The following POMT1 variants were observed in gnomAD, a reference collection of about 807,000 sequenced individuals.
The protein encoded by POMT1 is protein O-mannosyl-transferase 1.
A neutral mutation model predicts 101.6 loss-of-function variants in POMT1; 85 were observed. The ratio of observed to expected loss-of-function variants is 0.84; its 90% CI spans 0.70 to 1.00. The LOEUF (loss-of-function observed/expected upper bound fraction) is 1.00, where lower values mean the gene tolerates loss of function less well. Ranked by LOEUF, POMT1 falls within the 50% of genes least tolerant of loss-of-function variation. POMT1 has a pLI of 0.00. For missense variants in POMT1, 857 were observed against 930.4 expected, an observed-to-expected ratio of 0.92 and a Z score of 1.03; for synonymous variants, 371 against 383.0, an observed-to-expected ratio of 0.97 and a Z score of 0.37.
rs1052291406 is a variant in POMT1, at chr9:131,520,303, G to T, written c.1698+110G>T. Reference sequence around the variant, plus strand: ...CTAGAAAGTGCTGGGTTTCTCCCAAGCTTTTCCTGACAAAGGCCTGTGACT... The same window carrying T: ...CTAGAAAGTGCTGGGTTTCTCCCAATCTTTTCCTGACAAAGGCCTGTGACT... On this transcript the variant is annotated intron_variant, in intron 17 of 19. Transcript: ENST00000402686. 6.9e-5 allele frequency: 65 copies of T among 938,506 alleles called. No homozygotes were observed. In the South Asian group the frequency reaches 8.8e-4, roughly 13 times the overall value. 58.1% of individuals were successfully genotyped at this position (938,506 alleles called of 1,614,324 possible). A position where few individuals can be genotyped will look rare whatever the true frequency, so the allele number is the denominator to read the frequency against.
intron 14 of POMT1, 92 bp from the exon 15 acceptor site, chr9:131,518,745 G>A (rs1035287340): frequency 1.6e-5 from 25 of 1,601,342 alleles, no homozygotes; most frequent in African/African-American, 6.7e-5. Context: ...TGCTGACAGC[G>A]TGACCCGGGC....
rs1173985909 is a variant in POMT1, at chr9:131,509,944, G to C, written c.647G>C (p.Gly216Ala). 2 of 1,614,080 alleles carry C rather than the reference G, an allele frequency of 1.2e-6. No individual in the cohort carries two copies. Among genetic ancestry groups the C allele is most frequent in the Non-Finnish European group, 1.7e-6 (2 of 1,180,052 alleles). Residue 216 changes from glycine (G) to alanine (A), a missense_variant, in exon 8 of 20, where the codon GGT (glycine) becomes GCT (alanine). Coordinates refer to ENST00000402686, the MANE Select transcript of POMT1 (RefSeq NM_001077365.2). ...GTGTTCACGTACGTGCTCGTGCTGGGTGTTGCAGCTGTCCATGCCTGGCAC... is the reference window on the plus strand; with the variant it reads ...GTGTTCACGTACGTGCTCGTGCTGGCTGTTGCAGCTGTCCATGCCTGGCAC... ...MGVFTYVLVL[G>A]VAAVHAWHLL... is the part of the protein sequence containing the mutation.
intron 2 of POMT1, 27 bp from the exon 3 acceptor site, chr9:131,506,087 A>G: frequency 6.2e-7 from 1 of 1,611,572 alleles, no homozygotes; most frequent in South Asian, 1.1e-5. Context: ...AATTGAATAT[A>G]ATATGGGTTG....
In POMT1 at chr9:131,521,434, T is replaced by A. The variant is rs1949893510; in HGVS notation, c.1787T>A (p.Leu596Gln). ...TACGCCCTGCTGTCCTTGTGGTACC[T>A]GCTCCGACGGCGAAGAAATGTCCAT... ...AIYALLSLWYLLRRRRNVHDL... is the reference protein window; with the variant it reads ...AIYALLSLWYQLRRRRNVHDL... Residue 596 changes from leucine (L) to glutamine (Q), a missense_variant, in exon 18 of 20, where the codon CTG (leucine) becomes CAG (glutamine). Leu to Gln is a moderately radical substitution (Grantham distance 113). Coordinates refer to ENST00000402686, the MANE Select transcript of POMT1 (RefSeq NM_001077365.2). 6.2e-7 allele frequency: 1 copy of A among 1,614,074 alleles called. No homozygotes were observed. Among genetic ancestry groups the A allele is most frequent in the Non-Finnish European group, 8.5e-7 (1 of 1,180,044 alleles).
At position 131,509,751 on chromosome 9, in the gene POMT1, C is replaced by T. The variant is rs1388530296; in HGVS notation, c.548C>T (p.Ser183Phe). 1.9e-6 allele frequency: 3 copies of T among 1,614,024 alleles called. No individual in the cohort carries two copies. Among genetic ancestry groups the T allele is most frequent in the African/African-American group, 2.7e-5 (2 of 74,916 alleles). Residue 183 changes from serine (S) to phenylalanine (F), a missense_variant, in exon 7 of 20, where the codon TCT becomes TTT. Coordinates refer to ENST00000402686, the MANE Select transcript of POMT1 (RefSeq NM_001077365.2). Reference protein sequence around the residue: ...FFNCQKHSPFSLSWWFWLTLT... With the variant: ...FFNCQKHSPFFLSWWFWLTLT... The stretch of plus-strand genomic sequence containing the variant: ...CTTTGTTTTTATTCCAGCCCTTTTT[C>T]TCTGAGCTGGTGGTTCTGGCTAACA...
chr9:131,512,734 C>T (rs1437117381), intron 11 of POMT1, among the ~76,000 whole-genome samples: 5 of 152,168 alleles, frequency 3.3e-5, no homozygotes, highest in Non-Finnish European at 7.3e-5. Context: ...GCCTCAGCCT[C>T]CCGAGTAGAT....
chr9:131,503,319 G>A lies in POMT1; in HGVS notation c.-31+246G>A, dbSNP rs575896141. On this transcript the variant is annotated intron_variant, in intron 1 of 19. Coordinates refer to ENST00000402686, the MANE Select transcript of POMT1 (RefSeq NM_001077365.2). The surrounding 1 kb of genome is among the most constrained non-coding windows in gnomAD (Gnocchi z 4.4). ...GCTGCGGGTGCAGTCTCAGGGTGAG[G>A]ACGGAGCTGGGGCCGACGCAGCCTC... 1 of 153,604 alleles carries A rather than the reference G, an allele frequency of 6.5e-6. No homozygotes were observed. Among genetic ancestry groups the A allele is most frequent in the South Asian group, 2.0e-4 (1 of 4,888 alleles). 9.5% of individuals were successfully genotyped at this position (153,604 alleles called of 1,614,324 possible).
chr9:131,508,945 T>G lies in POMT1; in HGVS notation c.462T>G (p.Leu154=). ...NALITQSRLM[L]LESVLIFFNL... The stretch of plus-strand genomic sequence containing the variant: ...TCATCACTCAGTCAAGGCTAATGCT[T>G]TTGGAATCAGTGTTAATATTTTTCA... Residue 154 remains leucine (L), a synonymous_variant, in exon 6 of 20, where the codon CTT becomes CTG. Transcript: ENST00000402686. 6.2e-7 allele frequency: 1 copy of G among 1,613,962 alleles called. No individual in the cohort carries two copies. The highest frequency in any genetic ancestry group is 8.5e-7 in the Non-Finnish European group (1 of 1,179,816).
chr9:131,512,243 C>G lies in POMT1; in HGVS notation c.1082+107C>G. 2.0e-6 allele frequency: 3 copies of G among 1,536,922 alleles called. No homozygotes were observed. In the East Asian group the frequency reaches 7.3e-5, roughly 37 times the overall value. On this transcript the variant is annotated intron_variant, in intron 11 of 19. Coordinates refer to ENST00000402686, the MANE Select transcript of POMT1 (RefSeq NM_001077365.2). Reference sequence around the variant, plus strand: ...CCCTTCTTTCCCTCCCTCACTGACTCTAGTCACCGTCATGGCCTTGAACAC... The same window carrying G: ...CCCTTCTTTCCCTCCCTCACTGACTGTAGTCACCGTCATGGCCTTGAACAC...
At chr9:131,511,944 C>A in intron 10 of POMT1, 97 bp from the exon 11 acceptor site, 2 of 1,287,166 alleles carry the variant, frequency 1.6e-6, no homozygotes, top group Middle Eastern at 1.8e-4. Context: ...CTCCTGGGCT[C>A]AAGCAGTTAT....
At position 131,509,888 on chromosome 9, in the gene POMT1, G is replaced by C. The variant is rs201897506; in HGVS notation, c.606-15G>C. On this transcript the variant is annotated splice_polypyrimidine_tract_variant and intron_variant, in intron 7 of 19. Transcript: ENST00000402686. ...CCTGTCTCATGTTAACTCCATTTCT[G>C]TCATGTCTTTGCAGCATCAAGTACA... is the stretch of plus-strand genomic sequence containing the variant. 1.1e-4 allele frequency: 178 copies of C among 1,614,076 alleles called. 1 individual carries two copies. Among genetic ancestry groups the C allele is most frequent in the Admixed American group, 3.5e-4 (21 of 60,000 alleles).
rs1949304238 is a variant in POMT1 at position 131,518,864 on chromosome 9, G to A, written c.1393G>A (p.Gly465Arg). Residue 465 changes from glycine (G) to arginine (R), a missense_variant, in exon 15 of 20, where the codon GGG (glycine) becomes AGG (arginine). By Grantham distance (125) the Gly-to-Arg change is moderately radical. Transcript: ENST00000402686. ...GAGCGGGGCTCACCTCCCTGACTGG[G>A]GGTATCGGCAACTGGAGATCGTCGG... ...KLSGAHLPDW[G>R]YRQLEIVGEK... 6.2e-7 allele frequency: 1 copy of A among 1,614,034 alleles called. No individual in the cohort carries two copies. The highest frequency in any genetic ancestry group is 8.5e-7 in the Non-Finnish European group (1 of 1,180,044).
rs918627535 is a variant in POMT1 at position 131,502,927 on chromosome 9, C to T, written c.-177C>T. On this transcript the variant is annotated 5_prime_UTR_variant, in exon 1 of 20. Coordinates refer to ENST00000402686, the MANE Select transcript of POMT1 (RefSeq NM_001077365.2). ...ACGCGCGCTGCTGCCCGTCTGGCCCCGCAGGCTCGGTGAATCGAACGTTGA... is the reference window on the plus strand; with the variant it reads ...ACGCGCGCTGCTGCCCGTCTGGCCCTGCAGGCTCGGTGAATCGAACGTTGA... The T allele has an allele frequency of 5.3e-5, 8 of 152,304 alleles. No homozygotes were observed. The highest frequency in any genetic ancestry group is 1.9e-4 in the African/African-American group (8 of 41,472). 9.4% of individuals were successfully genotyped at this position (152,304 alleles called of 1,614,324 possible).
Position 131,508,917 on chromosome 9 carries a change from C to T in POMT1, c.434C>T (p.Ala145Val). 6.2e-7 allele frequency: 1 copy of T among 1,608,180 alleles called. No individual in the cohort carries two copies. The highest frequency in any genetic ancestry group is 1.1e-5 in the South Asian group (1 of 90,952). Residue 145 changes from alanine to valine, a missense_variant, in exon 6 of 20, where the codon GCT becomes GTT. By Grantham distance (64) the Ala-to-Val change is moderately conservative. Coordinates refer to ENST00000402686, the MANE Select transcript of POMT1 (RefSeq NM_001077365.2). Reference sequence around the variant, plus strand: ...TGTTTCCTCTTTGAAACAGAGAATGCTCTCATCACTCAGTCAAGGCTAATG... The same window carrying T: ...TGTTTCCTCTTTGAAACAGAGAATGTTCTCATCACTCAGTCAAGGCTAATG... The part of the protein sequence containing the change: ...GAALLMLIEN[A>V]LITQSRLMLL...
intron 13 of POMT1, among the ~76,000 whole-genome samples, chr9:131,515,856 C>CTAACATGGAGCACTTCCTCTA (rs1441919442): frequency 3.1e-5 from 3 of 97,158 alleles, no homozygotes; most frequent in African/African-American, 7.4e-5. Flanking sequence ...AGCACTTCCT[C>CTAACATGGAGCACTTCCTCTA]ACAGGGAGCA....
In POMT1 at chr9:131,522,445, A is replaced by T; in HGVS notation, c.2003+221A>T. 1 of 921,174 alleles carries T rather than the reference A, an allele frequency of 1.1e-6. No homozygotes were observed. The highest frequency in any genetic ancestry group is 1.6e-6 in the Non-Finnish European group (1 of 630,522). The allele number at this position is 921,174 out of a possible 1,614,324, so 57.1% of individuals were successfully genotyped here. A position where few individuals can be genotyped will look rare whatever the true frequency, so the allele number is the denominator to read the frequency against. ...TCGCGGCTGACAGAGATGAAAGCGG[A>T]GTGGGTGGGGAGACGGGGAGGGGAT... On this transcript the variant is annotated intron_variant, in intron 19 of 19. Coordinates refer to ENST00000402686, the MANE Select transcript of POMT1 (RefSeq NM_001077365.2). This position sits in a 1 kb window ranked among gnomAD's most constrained non-coding sequence, Gnocchi z 5.5.
At position 131,519,437 on chromosome 9, in the gene POMT1, T is replaced by C; in HGVS notation, c.1535T>C (p.Val512Ala). Residue 512 changes from valine to alanine, a missense_variant, in exon 16 of 20, where the codon GTG (valine) becomes GCG (alanine). Val to Ala is a moderately conservative substitution (Grantham distance 64). Transcript: ENST00000402686. This position sits in a 1 kb window ranked among gnomAD's most constrained non-coding sequence, Gnocchi z 4.3. The stretch of plus-strand genomic sequence containing the variant: ...CGGGAGCTGCACTCACCTGCGCAGG[T>C]GGACGTCAGCAGGAACCTCAGCTTC... ...RERELHSPAQ[V>A]DVSRNLSFMA... The C allele has an allele frequency of 6.4e-7, 1 of 1,551,686 alleles. No homozygotes were observed. Among genetic ancestry groups the C allele is most frequent in the Non-Finnish European group, 8.7e-7 (1 of 1,147,156 alleles).
intron 11 of POMT1, among the ~76,000 whole-genome samples, chr9:131,512,423 C>A (rs1315763978): frequency 1.3e-5 from 2 of 152,110 alleles, no homozygotes; most frequent in East Asian, 1.9e-4. Flanking sequence ...CCCCCTCCTG[C>A]AAAAGTAGCA....
At chr9:131,518,730 G>T in intron 14 of POMT1, 107 bp from the exon 15 acceptor site, 1 of 1,567,202 alleles carries the variant, frequency 6.4e-7, no homozygotes, top group Non-Finnish European at 8.8e-7. Flanking sequence ...CCCACAAGGG[G>T]CACCTGCTGA....
Sources: allele counts gnomAD v4.1 joint callset (sites outside exome capture counted in the v4.1 genomes callset), GRCh38; gene constraint gnomAD v4.1.1; non-coding constraint Gnocchi (gnomAD v3.1); transcripts MANE v1.5; gene names NCBI Gene and HGNC (gene_info 2026-07-23, HGNC 2026-07-21).